The following SDR16C5 variants were observed in gnomAD, a reference collection of about 807,000 sequenced individuals.
SDR16C5 encodes the protein epidermal retinol dehydrogenase 2.
A neutral mutation model predicts 27.7 loss-of-function variants in SDR16C5; 20 were observed. The observed-to-expected ratio is 0.72, with a 90% CI of 0.51 to 1.05. SDR16C5 has a LOEUF of 1.05. Ranked by LOEUF, SDR16C5 falls within the 50% of genes least tolerant of loss-of-function variation. The pLI is 0.00. For synonymous variants in SDR16C5, 139 were observed against 132.3 expected (o/e 1.05, Z -0.35); for missense variants, 374 against 366.3 (o/e 1.02, Z -0.17).
intron 6 of SDR16C5, among the ~76,000 whole-genome samples, chr8:56,303,505 A>G (rs961190953): frequency 9.2e-5 from 14 of 152,078 alleles, no homozygotes; most frequent in South Asian, 4.1e-4. Context: ...CCACATGGGC[A>G]GGGACCACTG....
At position 56,312,275 on chromosome 8, in the gene SDR16C5, A is replaced by G. The variant is rs1815064237; in HGVS notation, c.347T>C (p.Val116Ala). 6.2e-7 allele frequency: 1 copy of G among 1,613,732 alleles called. No individual in the cohort carries two copies. The highest frequency in any genetic ancestry group is 8.5e-7 in the Non-Finnish European group (1 of 1,179,750). ...YRVADQVKKE[V>A]GDVSILINNA... The stretch of plus-strand genomic sequence containing the variant: ...GTTGATTAGGATGGAAACATCGCCG[A>G]CTTCTTTTTTAACCTGAATTGAATA... Residue 116 changes from valine (V) to alanine (A), a missense_variant, in exon 3 of 7, where the codon GTC (valine) becomes GCC (alanine). Physicochemically the swap from Val to Ala is moderately conservative, Grantham distance 64 (BLOSUM62 0). Transcript: ENST00000303749.
rs898099967 is a variant in SDR16C5 at position 56,312,258 on chromosome 8, G to A, written c.364C>T (p.Leu122=). The A allele has an allele frequency of 6.2e-7, 1 of 1,613,494 alleles. No homozygotes were observed. Among genetic ancestry groups the A allele is most frequent in the South Asian group, 1.1e-5 (1 of 91,064 alleles). The change falls in exon 3 of 7, where the codon CTA becomes TTA. Residue 122 remains leucine (L), a synonymous_variant. Transcript: ENST00000303749. ...GTTACGATTCCGGCATTGTTGATTA[G>A]GATGGAAACATCGCCGACTTCTTTT... The part of the protein sequence containing the change: ...VKKEVGDVSI[L]INNAGIVTGK...
intron 2 of SDR16C5, 71 bp downstream of exon 2, chr8:56,315,944 G>T: frequency 1.0e-6 from 1 of 991,722 alleles, no homozygotes; most frequent in Non-Finnish European, 1.6e-6. Context: ...CAGGCTAATA[G>T]GCACTGAGAA....
Position 56,301,478 on chromosome 8 carries a change from C to T in SDR16C5, c.*2G>A. ...AGATGACCTTAGCCATAGAGTTGGTCTTTAGAGCTTCTTCTTTTGGTCAAC... is the reference window on the plus strand; with the variant it reads ...AGATGACCTTAGCCATAGAGTTGGTTTTTAGAGCTTCTTCTTTTGGTCAAC... On this transcript the variant is annotated 3_prime_UTR_variant, in exon 7 of 7. Transcript: ENST00000303749. 6.2e-7 allele frequency: 1 copy of T among 1,610,102 alleles called. No homozygotes were observed.
Position 56,306,656 on chromosome 8 carries a change from A to AT in SDR16C5, c.710+19_710+20insA. 6.4e-7 allele frequency: 1 copy of AT among 1,556,318 alleles called. No homozygotes were observed. Among genetic ancestry groups the AT allele is most frequent in the South Asian group, 1.2e-5 (1 of 82,278 alleles). ...CATTTTTAAGAGTGTAGATTCTTTG[A>AT]AATTAAAGGACATACTTACCCTGTA... On this transcript the variant is annotated intron_variant, in intron 5 of 6. Transcript: ENST00000303749.
chr8:56,319,850 C>T (rs1294744912), intron 1 of SDR16C5, among the ~76,000 whole-genome samples: 1 of 152,166 alleles, frequency 6.6e-6, no homozygotes, highest in Admixed American at 6.5e-5. Flanking sequence ...GCCACGGGAG[C>T]CCGGGCTTCT....
chr8:56,309,109 A>G, intron 3 of SDR16C5, 82 bp from the exon 4 acceptor site: 1 of 1,137,112 alleles, frequency 8.8e-7, no homozygotes, highest in Non-Finnish European at 1.2e-6. Context: ...ATTGTGATTA[A>G]AAAATCTTTT....
Position 56,300,074 on chromosome 8 carries a change from T to C in SDR16C5, c.*1406A>G, listed in dbSNP as rs1814711969. ...ACCTTCATCATTCTTTGAGTAATGA[T>C]TGACAGTCTCGTTTAATGAAATAAT... is the stretch of plus-strand genomic sequence containing the variant. On this transcript the variant is annotated 3_prime_UTR_variant, in exon 7 of 7. Transcript: ENST00000303749. The C allele has an allele frequency of 6.6e-6, 1 of 152,196 alleles. No homozygotes were observed. The highest frequency in any genetic ancestry group is 2.1e-4 in the South Asian group (1 of 4,834). 9.4% of individuals were successfully genotyped at this position (152,196 alleles called of 1,614,324 possible). A position where few individuals can be genotyped will look rare whatever the true frequency, so the allele number is the denominator to read the frequency against.
intron 3 of SDR16C5, among the ~76,000 whole-genome samples, chr8:56,311,432 A>T (rs2129260178): frequency 6.6e-6 from 1 of 152,314 alleles, no homozygotes; most frequent in Admixed American, 6.5e-5. Flanking sequence ...TTAAAATAAA[A>T]TGATAAAGTA....
At chr8:56,308,655 G>A (rs568798820) in intron 4 of SDR16C5, among the ~76,000 whole-genome samples, 24 of 152,290 alleles carry the variant, frequency 1.6e-4, no homozygotes, top group African/African-American at 4.8e-4. Flanking sequence ...TTGATCACTT[G>A]TGCAAAAAAT....
chr8:56,313,711 C>T (rs1194562655), intron 2 of SDR16C5, among the ~76,000 whole-genome samples: 2 of 152,160 alleles, frequency 1.3e-5, no homozygotes, highest in African/African-American at 4.8e-5. Context: ...AAACACACAG[C>T]ACAGATTAGA....
At chr8:56,305,825 CTTAT>C in intron 5 of SDR16C5, 103 bp from the exon 6 acceptor site, 1 of 1,192,150 alleles carries the variant, frequency 8.4e-7, no homozygotes, top group Non-Finnish European at 1.2e-6. Context: ...GACGTTATCA[CTTAT>C]TTCTTTGCTT....
In SDR16C5 at chr8:56,308,995, A is replaced by G; in HGVS notation, c.498T>C (p.Ala166=). 6.2e-7 allele frequency: 1 copy of G among 1,612,366 alleles called. No homozygotes were observed. Among genetic ancestry groups the G allele is most frequent in the Non-Finnish European group, 8.5e-7 (1 of 1,179,260 alleles). Residue 166 remains alanine, a synonymous_variant, in exon 4 of 7, where the codon GCT becomes GCC. Coordinates refer to ENST00000303749, the MANE Select transcript of SDR16C5 (RefSeq NM_138969.4). ...TYKAFLPAMI[A]NDHGHLVCIS... ...TGCAAACCAAATGTCCATGGTCATTAGCAATCATAGCAGGTAGAAAGGCTT... is the reference window on the plus strand; with the variant it reads ...TGCAAACCAAATGTCCATGGTCATTGGCAATCATAGCAGGTAGAAAGGCTT...
chr8:56,305,905 ATAAC>A (rs1477280934), intron 5 of SDR16C5, among the ~76,000 whole-genome samples, 183 bp from the exon 6 acceptor site: 4 of 152,236 alleles, frequency 2.6e-5, no homozygotes, highest in Non-Finnish European at 5.9e-5. Context: ...AAGTAGTAAC[ATAAC>A]TAAAATATGA....
Position 56,301,493 on chromosome 8 carries a change from T to G in SDR16C5, c.917A>C (p.Lys306Thr), listed in dbSNP as rs1814753499. The stretch of plus-strand genomic sequence containing the variant: ...TAGAGTTGGTCTTTAGAGCTTCTTC[T>G]TTTGGTCAACAAAGCCATCCATTGC... ...LHAMDGFVDQ[K>T]KKL is the part of the protein sequence containing the mutation. Residue 306 changes from lysine to threonine, a missense_variant, in exon 7 of 7, where the codon AAG becomes ACG. By Grantham distance (78) the Lys-to-Thr change is moderately conservative (BLOSUM62 -1). Transcript: ENST00000303749. 3.1e-6 allele frequency: 5 copies of G among 1,613,706 alleles called. No individual in the cohort carries two copies. The highest frequency in any genetic ancestry group is 4.2e-6 in the Non-Finnish European group (5 of 1,179,562).
At chr8:56,304,600 G>A (rs1408363876) in intron 6 of SDR16C5, among the ~76,000 whole-genome samples, 4 of 151,804 alleles carry the variant, frequency 2.6e-5, no homozygotes, top group East Asian at 1.9e-4. Context: ...GGGCAATCGC[G>A]CGATCTCAGC....
rs1448388309 is a variant in SDR16C5, at chr8:56,316,097, G to A, written c.251C>T (p.Ala84Val). 11 of 1,614,094 alleles carry A rather than the reference G, an allele frequency of 6.8e-6. No homozygotes were observed. Among genetic ancestry groups the A allele is most frequent in the African/African-American group, 1.3e-5 (1 of 75,028 alleles). ...CACTCTTGTGGCTCCAGCTTCCCGA[G>A]CCATCTTACATGTTTCCTCATTCCC... is the stretch of plus-strand genomic sequence containing the variant. ...KEGNEETCKM[A>V]REAGATRVHA... Residue 84 changes from alanine to valine, a missense_variant, in exon 2 of 7, where the codon GCT becomes GTT. Physicochemically the swap from Ala to Val is moderately conservative, Grantham distance 64 (BLOSUM62 0). Coordinates refer to ENST00000303749, the MANE Select transcript of SDR16C5 (RefSeq NM_138969.4).
intron 2 of SDR16C5, among the ~76,000 whole-genome samples, chr8:56,312,778 T>A (rs1368283998): frequency 4.7e-3 from 1 of 212 alleles, no homozygotes. Flanking sequence ...ACACACCAAG[T>A]TTTTTTTTTT....
In SDR16C5 at chr8:56,314,637, C is replaced by T. The variant is rs533021301; in HGVS notation, c.333+1378G>A. Reference sequence around the variant, plus strand: ...GCTGTGCTTGGAAGAGTGGGCCCAGCGTAGGCCCGAGCAAATTTGTCAGGT... The same window carrying T: ...GCTGTGCTTGGAAGAGTGGGCCCAGTGTAGGCCCGAGCAAATTTGTCAGGT... On this transcript the variant is annotated intron_variant, in intron 2 of 6. Transcript: ENST00000303749. 5.6e-4 allele frequency among the ~76,000 whole-genome samples: 86 copies of T among 152,282 alleles called. 1 individual carries two copies. The South Asian group carries it at 9.7e-3, about 17-fold the overall frequency.
Sources: gnomAD v4.1 joint callset for allele counts (sites outside exome capture counted in the v4.1 genomes callset) on GRCh38, gnomAD v4.1.1 for gene constraint, MANE v1.5 for transcripts, NCBI Gene and HGNC (gene_info 2026-07-23, HGNC 2026-07-21) for gene names.